Variants in IQGAP3 observed in about 807,000 individuals in gnomAD.
IQGAP3 encodes the protein IQ motif containing GTPase activating protein 3.
In IQGAP3, 165 loss-of-function variants were observed where a neutral mutation model predicts 208.2. That is an observed-to-expected ratio of 0.79 (90% CI 0.70 to 0.90). The LOEUF is 0.90. IQGAP3 is among the 40% of genes least tolerant of loss of function. IQGAP3 has a pLI of 0.00. For missense variants in IQGAP3, 1,811 were observed against 2,043.1 expected (o/e 0.89, Z 2.19); for synonymous variants, 703 against 803.6 (o/e 0.87, Z 2.12).
intron 13 of IQGAP3, among the ~76,000 whole-genome samples, chr1:156,553,580 CTTTT>C (rs11316423): frequency 2.3e-5 from 2 of 88,036 alleles, no homozygotes; most frequent in Non-Finnish European, 2.5e-5. Flanking sequence ...TTCTTTCTTT[CTTTT>C]TTTTTTTTTT....
At chr1:156,543,132 A>G (rs993462900) in intron 22 of IQGAP3, among the ~76,000 whole-genome samples, 4 of 152,108 alleles carry the variant, frequency 2.6e-5, no homozygotes, top group Non-Finnish European at 5.9e-5. Flanking sequence ...GAAGATAAAG[A>G]ATGGCCAGGA....
In IQGAP3 at chr1:156,539,433, G is replaced by A; in HGVS notation, c.2997C>T (p.Ser999=). 1 of 1,614,110 alleles carries A rather than the reference G, an allele frequency of 6.2e-7. No homozygotes were observed. The highest frequency in any genetic ancestry group is 8.5e-7 in the Non-Finnish European group (1 of 1,179,964). ...GGAGCAGGAGATAGGCCTCTCGGCG[G>A]CTGGAGGCATAGTTGTACAGGCTGA... The part of the protein sequence containing the change: ...VIFSLYNYAS[S]RREAYLLLQL... Residue 999 remains serine, a synonymous_variant, in exon 25 of 38, where the codon AGC becomes AGT. Transcript: ENST00000361170.
At chr1:156,541,837 G>A (rs892897475) in intron 22 of IQGAP3, among the ~76,000 whole-genome samples, 6 of 152,174 alleles carry the variant, frequency 3.9e-5, no homozygotes, top group Admixed American at 3.3e-4. Context: ...GGGGATCTTT[G>A]GGAAAACAAA....
At chr1:156,544,329 C>G in intron 20 of IQGAP3, 60 bp downstream of exon 20, 4 of 1,568,072 alleles carry the variant, frequency 2.6e-6, no homozygotes, top group Non-Finnish European at 2.6e-6. Context: ...GACAAGACTA[C>G]AAGATTGTTC....
chr1:156,527,244 G>A (rs1245239140), intron 37 of IQGAP3, among the ~76,000 whole-genome samples: 2 of 151,440 alleles, frequency 1.3e-5, no homozygotes, highest in Non-Finnish European at 3.0e-5. Flanking sequence ...CATTTTGGGA[G>A]GCTGAGGCGG....
At chr1:156,571,300 CAG>C (rs1676632500) in intron 1 of IQGAP3, among the ~76,000 whole-genome samples, 1 of 152,132 alleles carries the variant, frequency 6.6e-6, no homozygotes, top group Non-Finnish European at 1.5e-5. Flanking sequence ...AAAATAAACT[CAG>C]AGAGCTTGAA....
At chr1:156,526,711 G>A (rs1674083427) in intron 37 of IQGAP3, 112 bp from the exon 38 acceptor site, 4 of 701,744 alleles carry the variant, frequency 5.7e-6, no homozygotes, top group Admixed American at 4.3e-5. Flanking sequence ...AGTGGCACTG[G>A]CCACTGAAGT....
intron 1 of IQGAP3, 65 bp from the exon 2 acceptor site, chr1:156,569,528 CT>C (rs34005985): frequency 0.042 from 5,750 of 137,440 alleles, no homozygotes; most frequent in South Asian, 0.084. Context: ...ACTGAAGGGT[CT>C]TTTTTTTTTT....
intron 11 of IQGAP3, among the ~76,000 whole-genome samples, chr1:156,560,403 C>T (rs927446348): frequency 1.3e-5 from 2 of 152,014 alleles, no homozygotes; most frequent in Non-Finnish European, 2.9e-5. Context: ...CCCAGCTACT[C>T]GGGAGGCTGA....
chr1:156,571,653 G>C (rs1676648907), intron 1 of IQGAP3, among the ~76,000 whole-genome samples: 1 of 152,182 alleles, frequency 6.6e-6, no homozygotes, highest in African/African-American at 2.4e-5. Context: ...GAGGGATTTT[G>C]TACATACACA....
chr1:156,538,204 G>GCA (rs1190009819), intron 26 of IQGAP3, among the ~76,000 whole-genome samples: 24 of 152,198 alleles, frequency 1.6e-4, no homozygotes, highest in African/African-American at 3.6e-4. Flanking sequence ...AGGACTACAG[G>GCA]TGCCTGCCAC....
intron 15 of IQGAP3, among the ~76,000 whole-genome samples, chr1:156,551,078 C>T (rs1200820634): frequency 1.3e-5 from 2 of 152,206 alleles, no homozygotes; most frequent in African/African-American, 4.8e-5. Context: ...TAAAATGATG[C>T]TTGGCACAGA....
intron 34 of IQGAP3, among the ~76,000 whole-genome samples, chr1:156,529,835 C>G (rs1326233211): frequency 6.8e-6 from 1 of 146,452 alleles, no homozygotes; most frequent in Non-Finnish European, 1.5e-5. Context: ...GCAGGAGAAT[C>G]ACTTGAACCC....
intron 13 of IQGAP3, among the ~76,000 whole-genome samples, chr1:156,553,415 T>C (rs906203406): frequency 2.0e-5 from 3 of 152,320 alleles, no homozygotes; most frequent in African/African-American, 7.2e-5. Context: ...GATAGCCTCA[T>C]GGCAATCATT....
At chr1:156,528,738 G>A (rs1674234071) in intron 35 of IQGAP3, 128 bp from the exon 36 acceptor site, 1 of 1,022,666 alleles carries the variant, frequency 9.8e-7, no homozygotes, top group South Asian at 1.6e-5. Context: ...ACAGAGGAGG[G>A]GGGCTGCACT....
intron 2 of IQGAP3, among the ~76,000 whole-genome samples, chr1:156,567,975 T>C (rs1220417161): frequency 6.6e-6 from 1 of 152,246 alleles, no homozygotes; most frequent in African/African-American, 2.4e-5. Flanking sequence ...TGGGAAATTT[T>C]ATGATGTGTA....
Position 156,540,738 on chromosome 1 carries a change from G to T in IQGAP3, c.2709C>A (p.Gly903=), listed in dbSNP as rs1439137476. 6.2e-7 allele frequency: 1 copy of T among 1,613,990 alleles called. No homozygotes were observed. Among genetic ancestry groups the T allele is most frequent in the Non-Finnish European group, 8.5e-7 (1 of 1,180,028 alleles). ...GAGTGATCCGGTTCTTCACCAGCAG[G>T]CCAATCTTGATGTCCATGATGTTGA... is the stretch of plus-strand genomic sequence containing the variant. ...QDLNIMDIKI[G]LLVKNRITLQ... The change falls in exon 23 of 38, where the codon GGC becomes GGA. Residue 903 remains glycine, a synonymous_variant. Transcript: ENST00000361170.
intron 2 of IQGAP3, among the ~76,000 whole-genome samples, chr1:156,567,103 G>A (rs1571367565): frequency 6.6e-6 from 1 of 152,278 alleles, no homozygotes; most frequent in Non-Finnish European, 1.5e-5. Context: ...CCGACCTCAG[G>A]TGATCCGCCC....
rs1674743702 is a variant in IQGAP3 at position 156,537,410 on chromosome 1, A to G, written c.3282-89T>C. The G allele has an allele frequency of 3.9e-6, 5 of 1,293,298 alleles. No individual in the cohort carries two copies. The African/African-American group carries it at 6.0e-5, about 15-fold the overall frequency. The allele number at this position is 1,293,298 out of a possible 1,614,324, so 80.1% of individuals were successfully genotyped here. Reference sequence around the variant, plus strand: ...CCTATTCCTTAAACGCTTGTCTAACAACAAGATCTCATACAGATGTGCTAA... The same window carrying G: ...CCTATTCCTTAAACGCTTGTCTAACGACAAGATCTCATACAGATGTGCTAA... On this transcript the variant is annotated intron_variant, in intron 26 of 37. Coordinates refer to ENST00000361170, the MANE Select transcript of IQGAP3 (RefSeq NM_178229.5).
Sources: allele counts gnomAD v4.1 joint callset (sites outside exome capture counted in the v4.1 genomes callset), GRCh38; gene constraint gnomAD v4.1.1; transcripts MANE v1.5; gene names NCBI Gene and HGNC (gene_info 2026-07-23, HGNC 2026-07-21).